Variants in ABCC2 observed in about 807,000 individuals in gnomAD.
ABCC2 encodes the protein ATP binding cassette subfamily C member 2, also known as ATP-binding cassette sub-family C member 2.
In ABCC2, 157 loss-of-function variants were observed where a neutral mutation model predicts 173.4. The observed-to-expected ratio is 0.91, with a 90% CI of 0.80 to 1.03. ABCC2 has a LOEUF of 1.03. Among genes scored for constraint, ABCC2 ranks in the 50% least tolerant of loss-of-function variants. The pLI is 0.00. For missense variants in ABCC2, 1,822 were observed against 1,852.3 expected (o/e 0.98, Z 0.30); for synonymous variants, 657 against 693.5 (o/e 0.95, Z 0.83).
intron 15 of ABCC2, 41 bp from the exon 16 acceptor site, chr10:99,812,977 C>T: frequency 6.2e-7 from 1 of 1,611,958 alleles, no homozygotes; most frequent in Non-Finnish European, 8.5e-7. Context: ...CTTCAATACC[C>T]AACCCCTGCT....
chr10:99,785,839 A>G (rs1049204887), intron 2 of ABCC2, among the ~76,000 whole-genome samples: 1 of 151,928 alleles, frequency 6.6e-6, no homozygotes, highest in Admixed American at 6.6e-5. Flanking sequence ...TTATCTTTCA[A>G]CAGGTTTTTA....
chr10:99,785,788 C>T (rs368225207), intron 2 of ABCC2, among the ~76,000 whole-genome samples: 1 of 151,952 alleles, frequency 6.6e-6, no homozygotes, highest in East Asian at 1.9e-4. Flanking sequence ...CAAAGTGCTG[C>T]GATTACAAGC....
At chr10:99,846,842 G>A in intron 29 of ABCC2, 119 bp from the exon 30 acceptor site, 1 of 1,398,612 alleles carries the variant, frequency 7.1e-7, no homozygotes, top group East Asian at 2.3e-5. Context: ...CCACAAACCA[G>A]CTTCCTGCCT....
chr10:99,827,516 A>G (rs1379645932), intron 19 of ABCC2, among the ~76,000 whole-genome samples: 1 of 152,168 alleles, frequency 6.6e-6, no homozygotes, highest in African/African-American at 2.4e-5. Flanking sequence ...CTGAAACGCT[A>G]TCTTCTTCTG....
intron 30 of ABCC2, among the ~76,000 whole-genome samples, chr10:99,848,814 C>A (rs2039052379): frequency 1.3e-5 from 2 of 152,204 alleles, no homozygotes; most frequent in South Asian, 4.1e-4. Context: ...GGGAACAAGC[C>A]CTGGTAGAGA....
At chr10:99,817,587 T>A in intron 17 of ABCC2, 103 bp downstream of exon 17, 1 of 1,266,118 alleles carries the variant, frequency 7.9e-7, no homozygotes. Flanking sequence ...TTGATTAATT[T>A]AGGTAGTCAT....
At chr10:99,845,217 G>A (rs1275792910) in intron 28 of ABCC2, among the ~76,000 whole-genome samples, 3 of 151,990 alleles carry the variant, frequency 2.0e-5, no homozygotes, top group Non-Finnish European at 4.4e-5. Context: ...ATTTTTAGTA[G>A]AGACGGGGTT....
intron 6 of ABCC2, among the ~76,000 whole-genome samples, chr10:99,795,471 G>T (rs538277635): frequency 6.6e-6 from 1 of 152,070 alleles, no homozygotes; most frequent in East Asian, 1.9e-4. Flanking sequence ...GGCTGAGGCG[G>T]GTGGATCACC....
chr10:99,785,604 C>A (rs2037694691), intron 2 of ABCC2, among the ~76,000 whole-genome samples: 1 of 152,116 alleles, frequency 6.6e-6, no homozygotes, highest in African/African-American at 2.4e-5. Context: ...GCAACCTCCA[C>A]CTCCTGGGTT....
rs780113530 is a variant in ABCC2, at chr10:99,834,452, A to T, written c.3331A>T (p.Ser1111Cys). Residue 1111 changes from serine (S) to cysteine (C), a missense_variant, in exon 24 of 32, where the codon AGC becomes TGC. By Grantham distance (112) the Ser-to-Cys change is moderately radical. Coordinates refer to ENST00000647814, the MANE Select transcript of ABCC2 (RefSeq NM_000392.5). ...GATTACATGCTTCCTGGGGATAATCAGCACCCTTGTCATGATCTGCATGGC... is the reference window on the plus strand; with the variant it reads ...GATTACATGCTTCCTGGGGATAATCTGCACCCTTGTCATGATCTGCATGGC... ...SWITCFLGII[S>C]TLVMICMATP... 2 of 1,614,164 alleles carry T rather than the reference A, an allele frequency of 1.2e-6. No individual in the cohort carries two copies. The highest frequency in any genetic ancestry group is 2.2e-5 in the South Asian group (2 of 91,082).
At chr10:99,784,531 G>A in intron 1 of ABCC2, 77 bp from the exon 2 acceptor site, 2 of 1,432,442 alleles carry the variant, frequency 1.4e-6, no homozygotes, top group Non-Finnish European at 2.0e-6. Context: ...TTGTGTGAAA[G>A]CAGTGGGATG....
intron 25 of ABCC2, among the ~76,000 whole-genome samples, chr10:99,840,813 C>T (rs1035571198): frequency 6.8e-5 from 9 of 131,584 alleles, no homozygotes. Context: ...CTGCGCCCAG[C>T]CACCTGTGAG....
Position 99,851,713 on chromosome 10 carries a change from C to A in ABCC2, c.*82C>A. ...TTTTTTATAAAATACAGAATACATA[C>A]AAAAGTGTGTATAAAATGTACGTTT... On this transcript the variant is annotated 3_prime_UTR_variant, in exon 32 of 32. Coordinates refer to ENST00000647814, the MANE Select transcript of ABCC2 (RefSeq NM_000392.5). 7.6e-7 allele frequency: 1 copy of A among 1,315,170 alleles called. No homozygotes were observed. Among genetic ancestry groups the A allele is most frequent in the Non-Finnish European group, 1.1e-6 (1 of 951,658 alleles). The allele number at this position is 1,315,170 out of a possible 1,614,324, so 81.5% of individuals were successfully genotyped here.
chr10:99,815,969 GTTTTT>G (rs552969751), intron 16 of ABCC2, among the ~76,000 whole-genome samples: 2 of 135,386 alleles, frequency 1.5e-5, no homozygotes, highest in African/African-American at 2.7e-5. Context: ...TTCTGGTCTT[GTTTTT>G]TTTTTTTTTT....
intron 26 of ABCC2, among the ~76,000 whole-genome samples, chr10:99,843,580 T>G (rs1352447485): frequency 1.3e-5 from 2 of 152,242 alleles, no homozygotes; most frequent in Non-Finnish European, 2.9e-5. Flanking sequence ...CACATTGCCC[T>G]TCGCGTGAGC....
chr10:99,814,356 T>C (rs116680362), intron 16 of ABCC2, among the ~76,000 whole-genome samples: 1,757 of 119,122 alleles, frequency 0.015, 112 homozygotes, highest in Middle Eastern at 0.047. Context: ...CACACGTATG[T>C]ATACACACAT....
intron 24 of ABCC2, 105 bp downstream of exon 24, chr10:99,834,640 CT>C (rs2038790319): frequency 1.5e-6 from 2 of 1,357,192 alleles, no homozygotes; most frequent in Admixed American, 3.4e-5. Flanking sequence ...TCACTCACTC[CT>C]CCCCTCAGCA....
intron 14 of ABCC2, among the ~76,000 whole-genome samples, chr10:99,811,221 C>A (rs755057105): frequency 2.0e-5 from 3 of 151,682 alleles, no homozygotes; most frequent in Non-Finnish European, 4.4e-5. Context: ...GTCCCAGCTA[C>A]CTGGAGGCTG....
rs561043063 is a variant in ABCC2 at position 99,814,622 on chromosome 10, TAC to T, written c.2094+1484_2094+1485del. 4.4e-4 allele frequency among the ~76,000 whole-genome samples: 10 copies of T among 22,540 alleles called. No individual in the cohort carries two copies. In the East Asian group the frequency reaches 0.011, roughly 24 times the overall value. The allele number at this position is 22,540 out of a possible 152,430, so 14.8% of individuals were successfully genotyped here. A position where few individuals can be genotyped will look rare whatever the true frequency, so the allele number is the denominator to read the frequency against. On this transcript the variant is annotated intron_variant, in intron 16 of 31. Transcript: ENST00000647814. ...ACACACATATGTGTATATACACATA[TAC>T]ACACATATGTGTATATACACATATA...
Sources: gnomAD v4.1 joint callset for allele counts (sites outside exome capture counted in the v4.1 genomes callset) on GRCh38, gnomAD v4.1.1 for gene constraint, MANE v1.5 for transcripts, NCBI Gene and HGNC (gene_info 2026-07-23, HGNC 2026-07-21) for gene names.